Variants in THNSL1 observed in about 807,000 individuals in gnomAD.
The protein encoded by THNSL1 is threonine synthase like 1, also known as threonine synthase-like 1.
THNSL1 carries 48 observed loss-of-function variants against 50.4 expected under a neutral mutation model. The ratio of observed to expected loss-of-function variants is 0.95; its 90% confidence interval spans 0.76 to 1.21. THNSL1 has a LOEUF of 1.21. Among genes scored for constraint, THNSL1 ranks in the 50% most tolerant of loss-of-function variants. The pLI is 0.00. For missense variants in THNSL1, 896 were observed against 871.7 expected (o/e 1.03, Z -0.35); for synonymous variants, 309 against 306.1 (o/e 1.01, Z -0.10).
the THNSL1 span, among the ~76,000 whole-genome samples, chr10:24,969,446 T>C: frequency 6.6e-6 from 1 of 152,142 alleles, no homozygotes; most frequent in East Asian, 1.9e-4. Flanking sequence ...ATGGAAAAAA[T>C]GAAAAAGGAG....
At chr10:25,006,677 A>G in the THNSL1 span, among the ~76,000 whole-genome samples, 2 of 152,216 alleles carry the variant, frequency 1.3e-5, no homozygotes, top group African/African-American at 4.8e-5. Context: ...GGTTGTGTAT[A>G]AACACGAAAT....
chr10:24,952,550 G>C, the THNSL1 span: 1 of 1,592,066 alleles, frequency 6.3e-7, no homozygotes, highest in South Asian at 1.1e-5. The surrounding 1 kb of genome is among the most constrained non-coding windows in gnomAD (Gnocchi z 5.1). Flanking sequence ...CCCGTAGTCT[G>C]GCGCCTCCTC....
upstream of THNSL1, among the ~76,000 whole-genome samples, chr10:25,012,721 T>C (rs965353046): frequency 6.6e-6 from 1 of 152,238 alleles, no homozygotes; most frequent in African/African-American, 2.4e-5. Context: ...CTTTTGATTT[T>C]ATATGCTTGT....
the THNSL1 span, among the ~76,000 whole-genome samples, chr10:24,980,494 T>G: frequency 6.6e-6 from 1 of 152,132 alleles, no homozygotes; most frequent in Non-Finnish European, 1.5e-5. Flanking sequence ...CAATTTCTAA[T>G]TATAAATGCA....
the THNSL1 span, among the ~76,000 whole-genome samples, chr10:24,959,065 T>C: frequency 6.6e-6 from 1 of 152,220 alleles, no homozygotes; most frequent in African/African-American, 2.4e-5. Context: ...TCTGTGGTTA[T>C]GAACAAACTG....
In THNSL1 at chr10:25,025,066, G is replaced by T. The variant is rs778067840; in HGVS notation, c.1843G>T (p.Val615Leu). The T allele has an allele frequency of 3.7e-6, 6 of 1,614,190 alleles. No homozygotes were observed. The East Asian group carries it at 1.3e-4, about 36-fold the overall frequency. ...ALVEKLQQDF[V>L]ADWCSEGECL... ...AGTTGAGAAACTTCAGCAGGATTTT[G>T]TAGCTGACTGGTGCTCTGAGGGAGA... is the stretch of plus-strand genomic sequence containing the variant. Residue 615 changes from valine to leucine, a missense_variant, in exon 3 of 3, where the codon GTA (valine) becomes TTA (leucine). Physicochemically the swap from Val to Leu is conservative, Grantham distance 32 (BLOSUM62 1). Coordinates refer to ENST00000376356, the MANE Select transcript of THNSL1 (RefSeq NM_024838.5).
At chr10:24,969,325 A>G in the THNSL1 span, among the ~76,000 whole-genome samples, 1 of 152,226 alleles carries the variant, frequency 6.6e-6, no homozygotes, top group Non-Finnish European at 1.5e-5. Flanking sequence ...AGTGTTACGT[A>G]CTTAAGATAT....
At chr10:24,968,353 G>A in the THNSL1 span, among the ~76,000 whole-genome samples, 1 of 152,100 alleles carries the variant, frequency 6.6e-6, no homozygotes, top group East Asian at 1.9e-4. Context: ...GCCTAAGAAG[G>A]CACAAATTCA....
At chr10:24,964,464 A>T in the THNSL1 span, among the ~76,000 whole-genome samples, 1 of 152,360 alleles carries the variant, frequency 6.6e-6, no homozygotes, top group South Asian at 2.1e-4. Flanking sequence ...TCAAACATAG[A>T]GAAACATAAG....
the THNSL1 span, among the ~76,000 whole-genome samples, chr10:25,007,790 T>C: frequency 2.2e-4 from 33 of 151,994 alleles, 1 homozygote; most frequent in Admixed American, 4.6e-4. Context: ...AGCCAGTAAA[T>C]GCATATGGAA....
the THNSL1 span, among the ~76,000 whole-genome samples, chr10:25,011,058 C>T: frequency 3.4e-5 from 5 of 145,684 alleles, no homozygotes; most frequent in Non-Finnish European, 7.7e-5. Context: ...TACAGTCCCA[C>T]CAACAGTGTA....
the THNSL1 span, among the ~76,000 whole-genome samples, chr10:24,956,731 C>A: frequency 6.6e-6 from 1 of 152,150 alleles, no homozygotes; most frequent in Non-Finnish European, 1.5e-5. Context: ...TATCATTCTG[C>A]TGTGCCATAC....
Position 25,025,891 on chromosome 10 carries a change from A to C in THNSL1, c.*436A>C, listed in dbSNP as rs1396512420. ...GGCTAACTTGAATGGAGGAAGTAGT[A>C]AACTCTTCTATTAGGATTTGGGCCA... On this transcript the variant is annotated 3_prime_UTR_variant, in exon 3 of 3. Transcript: ENST00000376356. 1 of 169,708 alleles carries C rather than the reference A, an allele frequency of 5.9e-6. No individual in the cohort carries two copies. The highest frequency in any genetic ancestry group is 1.4e-5 in the Non-Finnish European group (1 of 70,212). 10.5% of individuals were successfully genotyped at this position (169,708 alleles called of 1,614,324 possible).
the THNSL1 span, among the ~76,000 whole-genome samples, chr10:24,995,433 T>C: frequency 6.6e-6 from 1 of 152,212 alleles, no homozygotes; most frequent in Non-Finnish European, 1.5e-5. Context: ...ATAACTTTTA[T>C]CTACTGAACT....
chr10:25,020,625 G>A (rs12246243), intron 1 of THNSL1, among the ~76,000 whole-genome samples: 9,985 of 151,780 alleles, frequency 0.066, 1,073 homozygotes, highest in African/African-American at 0.23. Context: ...AAATTAGCTG[G>A]GTGTGGTGAT....
the THNSL1 span, among the ~76,000 whole-genome samples, chr10:24,954,217 A>G: frequency 6.6e-6 from 1 of 152,174 alleles, no homozygotes; most frequent in African/African-American, 2.4e-5. Context: ...AGAGTTCACA[A>G]GACTCTCCTG....
the THNSL1 span, among the ~76,000 whole-genome samples, chr10:24,968,781 C>G: frequency 6.6e-6 from 1 of 152,248 alleles, no homozygotes; most frequent in Non-Finnish European, 1.5e-5. Flanking sequence ...CTGTATGTTA[C>G]TCAAGGCTCT....
At chr10:24,995,659 T>C in the THNSL1 span, 1 of 1,610,436 alleles carries the variant, frequency 6.2e-7, no homozygotes. Flanking sequence ...TTTATTGATG[T>C]ACTTTGGAAC....
chr10:24,955,016 A>G, the THNSL1 span, among the ~76,000 whole-genome samples: 3 of 152,232 alleles, frequency 2.0e-5, no homozygotes, highest in Non-Finnish European at 4.4e-5. Flanking sequence ...TGGATAATTT[A>G]TGAAGAAAAG....
Sources: allele counts gnomAD v4.1 joint callset (sites outside exome capture counted in the v4.1 genomes callset), GRCh38; gene constraint gnomAD v4.1.1; non-coding constraint Gnocchi (gnomAD v3.1); transcripts MANE v1.5; gene names NCBI Gene and HGNC (gene_info 2026-07-23, HGNC 2026-07-21).